The following NPL variants were observed in gnomAD, a reference collection of about 807,000 sequenced individuals.
NPL encodes the protein N-acetylneuraminate pyruvate lyase.
In NPL, 32 loss-of-function variants were observed where a neutral mutation model predicts 41.1. The observed-to-expected ratio is 0.78, with a 90% CI of 0.59 to 1.05. The LOEUF is 1.05. Ranked by LOEUF, NPL falls within the 50% of genes least tolerant of loss-of-function variation. The pLI is 0.00. For missense variants in NPL, 321 were observed against 378.4 expected (o/e 0.85, Z 1.26); for synonymous variants, 128 against 134.9 (o/e 0.95, Z 0.35).
At chr1:182,807,963 G>C (rs7555889) in intron 5 of NPL, among the ~76,000 whole-genome samples, 1 of 149,540 alleles carries the variant, frequency 6.7e-6, no homozygotes, top group African/African-American at 2.5e-5. Context: ...AAAGCCCTCA[G>C]AGGGTAGGAG....
intron 3 of NPL, 25 bp downstream of exon 3, chr1:182,794,464 G>A: frequency 6.2e-7 from 1 of 1,610,016 alleles, no homozygotes; most frequent in South Asian, 1.1e-5. Flanking sequence ...GGGCCTTGAG[G>A]GGATCAGTTC....
At chr1:182,792,693 C>A (rs933214204) in intron 2 of NPL, among the ~76,000 whole-genome samples, 1 of 152,216 alleles carries the variant, frequency 6.6e-6, no homozygotes, top group Non-Finnish European at 1.5e-5. Context: ...AAATACAGAG[C>A]AAAGCTACAT....
intron 3 of NPL, among the ~76,000 whole-genome samples, chr1:182,801,324 T>C (rs1191087594): frequency 6.6e-6 from 1 of 152,048 alleles, no homozygotes; most frequent in African/African-American, 2.4e-5. Context: ...CCATTAGACC[T>C]CTAACCCTGA....
intron 9 of NPL, 33 bp from the exon 10 acceptor site, chr1:182,818,780 T>G (rs775020040): frequency 1.2e-6 from 2 of 1,614,000 alleles, no homozygotes; most frequent in Non-Finnish European, 1.7e-6. Context: ...TTTCTCTTTT[T>G]TATACAAGTG....
intron 11 of NPL, among the ~76,000 whole-genome samples, chr1:182,823,856 ACT>A (rs958865499): frequency 6.6e-6 from 1 of 152,044 alleles, no homozygotes; most frequent in Admixed American, 6.6e-5. Flanking sequence ...TTAGTTTACC[ACT>A]CTCTGTTTCA....
intron 3 of NPL, among the ~76,000 whole-genome samples, chr1:182,796,411 TGGAA>T (rs958410590): frequency 2.0e-5 from 3 of 151,922 alleles, no homozygotes. Context: ...AGACATGAGA[TGGAA>T]GGAAGGGGCA....
chr1:182,824,777 AC>A (rs1376502455), intron 11 of NPL, among the ~76,000 whole-genome samples: 2 of 152,184 alleles, frequency 1.3e-5, no homozygotes, highest in Non-Finnish European at 1.5e-5. Flanking sequence ...AGCCTGGGTG[AC>A]AGAGCGAGAC....
chr1:182,801,895 A>C (rs192045776), intron 3 of NPL, among the ~76,000 whole-genome samples: 1 of 152,142 alleles, frequency 6.6e-6, no homozygotes, highest in South Asian at 2.1e-4. Context: ...CTATTTATCC[A>C]ATGTCTTCTT....
chr1:182,805,101 A>G (rs143101184), intron 4 of NPL, among the ~76,000 whole-genome samples: 1 of 152,176 alleles, frequency 6.6e-6, no homozygotes, highest in Non-Finnish European at 1.5e-5. Context: ...AATGTATCCT[A>G]CTGCCATAGG....
chr1:182,814,664 C>T, intron 6 of NPL, 119 bp from the exon 7 acceptor site: 1 of 856,340 alleles, frequency 1.2e-6, no homozygotes, highest in Non-Finnish European at 1.9e-6. Context: ...AATTTTCCCA[C>T]TTTCCAGTGG....
At chr1:182,825,640 G>C (rs993815281) in intron 11 of NPL, 141 bp from the exon 12 acceptor site, 2 of 672,666 alleles carry the variant, frequency 3.0e-6, no homozygotes, top group African/African-American at 3.6e-5. Context: ...TCTTCACTTG[G>C]CTATTTTTCT....
At chr1:182,802,599 T>C (rs1291068773) in intron 3 of NPL, among the ~76,000 whole-genome samples, 5 of 152,206 alleles carry the variant, frequency 3.3e-5, no homozygotes, top group Admixed American at 3.3e-4. Flanking sequence ...TAGCACTCTG[T>C]GTTCTTGGCA....
chr1:182,800,435 CAAAAAA>C (rs1053733197), intron 3 of NPL, among the ~76,000 whole-genome samples: 2,212 of 51,554 alleles, frequency 0.043, 56 homozygotes, highest in African/African-American at 0.1. Flanking sequence ...GACCCTGTCT[CAAAAAA>C]AAAAAAAAAA....
intron 2 of NPL, 85 bp from the exon 3 acceptor site, chr1:182,794,271 T>C: frequency 8.5e-7 from 1 of 1,178,108 alleles, no homozygotes. Context: ...ATTTTACAGT[T>C]CTAAACTAGA....
intron 3 of NPL, among the ~76,000 whole-genome samples, chr1:182,797,516 C>T (rs1666709787): frequency 6.6e-6 from 1 of 152,216 alleles, no homozygotes; most frequent in African/African-American, 2.4e-5. Flanking sequence ...ACCTTTCCTG[C>T]TTCATTTCTT....
intron 1 of NPL, among the ~76,000 whole-genome samples, chr1:182,790,664 A>G (rs1339667232): frequency 6.9e-6 from 1 of 145,828 alleles, no homozygotes; most frequent in Non-Finnish European, 1.5e-5. Context: ...TGTTTTTGAG[A>G]CGGAGTCTCG....
rs752009742 is a variant in NPL at position 182,812,163 on chromosome 1, C to T, written c.238C>T (p.Gln80Ter). The change falls in exon 6 of 13, where the codon CAG becomes TAG. Residue 80 changes from glutamine (Q) to a stop codon, truncating the protein, a stop_gained. Transcript: ENST00000367553. LOFTEE classifies it high-confidence loss of function. ...GTGTTTTTTCTTTTGCAGGCTGGAT[C>T]AGGTGATAATTCACGTAGGAGCACT... Reference protein sequence around the residue: ...WVTKGKDKLDQVIIHVGALSL... With the variant: ...WVTKGKDKLD The T allele has an allele frequency of 6.0e-5, 97 of 1,613,830 alleles. No homozygotes were observed. Among genetic ancestry groups the T allele is most frequent in the Non-Finnish European group, 8.1e-5 (95 of 1,179,834 alleles).
intron 12 of NPL, 129 bp downstream of exon 12, chr1:182,825,949 C>T (rs1667619995): frequency 3.7e-6 from 3 of 809,178 alleles, no homozygotes; most frequent in Admixed American, 1.7e-5. Context: ...TTCTGTTTCC[C>T]TTATTAACCC....
Position 182,828,689 on chromosome 1 carries a change from C to T in NPL, c.779-35C>T. On this transcript the variant is annotated intron_variant, in intron 12 of 12. Coordinates refer to ENST00000367553, the MANE Select transcript of NPL (RefSeq NM_030769.3). The surrounding 1 kb of genome is among the most constrained non-coding windows in gnomAD (Gnocchi z 4.0). The stretch of plus-strand genomic sequence containing the variant: ...GATTTTTGTGGAGAGATAGACGGTA[C>T]CAGTCATGTTTCCTCATTTGTTTTT... 6.2e-7 allele frequency: 1 copy of T among 1,613,862 alleles called. No homozygotes were observed. Among genetic ancestry groups the T allele is most frequent in the Non-Finnish European group, 8.5e-7 (1 of 1,179,892 alleles).
Sources: gnomAD v4.1 joint callset for allele counts (sites outside exome capture counted in the v4.1 genomes callset) on GRCh38, gnomAD v4.1.1 for gene constraint, Gnocchi (gnomAD v3.1) non-coding constraint, MANE v1.5 for transcripts, NCBI Gene and HGNC (gene_info 2026-07-23, HGNC 2026-07-21) for gene names.